Variants in SORCS2 observed in about 807,000 individuals in gnomAD.
SORCS2 encodes VPS10 domain-containing receptor SorCS2.
SORCS2 carries 100 observed loss-of-function variants against 141.6 expected under a neutral mutation model. The ratio of observed to expected loss-of-function variants is 0.71; its 90% CI spans 0.60 to 0.83. The LOEUF (loss-of-function observed/expected upper bound fraction) is 0.83. SORCS2 is among the 40% of genes least tolerant of loss of function. The probability of loss-of-function intolerance (pLI) is 0.00; values close to 1 mark genes in which losing one functional copy is unlikely to be tolerated. For missense variants in SORCS2, 1,646 were observed against 1,560.2 expected, an observed-to-expected ratio of 1.05 and a Z score of -0.93; for synonymous variants, 789 against 676.9, an observed-to-expected ratio of 1.17 and a Z score of -2.57.
At chr4:7,697,033 A>G (rs1724755269) in intron 11 of SORCS2, among the ~76,000 whole-genome samples, 165 bp from the exon 12 acceptor site, 1 of 152,106 alleles carries the variant, frequency 6.6e-6, no homozygotes, top group Non-Finnish European at 1.5e-5. Context: ...CACTGCATAG[A>G]CCCAGACCCA....
At chr4:7,636,518 C>T (rs1412589111) in intron 3 of SORCS2, among the ~76,000 whole-genome samples, 2 of 152,132 alleles carry the variant, frequency 1.3e-5, no homozygotes, top group Non-Finnish European at 2.9e-5. Flanking sequence ...GTTTTGTCTG[C>T]CGCCTTGTCT....
intron 2 of SORCS2, among the ~76,000 whole-genome samples, chr4:7,518,478 G>A (rs1033129726): frequency 3.9e-5 from 6 of 152,168 alleles, no homozygotes; most frequent in African/African-American, 1.4e-4. Context: ...TGTGTGTCTC[G>A]TGGGGACTGC....
intron 25 of SORCS2, among the ~76,000 whole-genome samples, chr4:7,736,471 A>C (rs1214844533): frequency 6.6e-6 from 1 of 152,194 alleles, no homozygotes; most frequent in Non-Finnish European, 1.5e-5. Flanking sequence ...TCATCTGTGA[A>C]ATGGGACCCT....
At chr4:7,257,455 C>G (rs1713977570) in intron 1 of SORCS2, among the ~76,000 whole-genome samples, 1 of 152,100 alleles carries the variant, frequency 6.6e-6, no homozygotes, top group African/African-American at 2.4e-5. Flanking sequence ...GCAGGGAGAG[C>G]CTCTCCGCAT....
At chr4:7,705,847 C>G (rs1460712159) in intron 14 of SORCS2, among the ~76,000 whole-genome samples, 1 of 152,276 alleles carries the variant, frequency 6.6e-6, no homozygotes, top group Non-Finnish European at 1.5e-5. Context: ...ACCCCAGCCT[C>G]TATCTCCCTC....
intron 9 of SORCS2, among the ~76,000 whole-genome samples, chr4:7,676,729 C>CCT (rs1723142763): frequency 1.7e-5 from 2 of 118,810 alleles, no homozygotes; most frequent in Admixed American, 8.5e-5. Flanking sequence ...TCTCTCTCTC[C>CCT]CTCTCCCTCT....
chr4:7,561,284 G>A (rs1315434675), intron 3 of SORCS2, among the ~76,000 whole-genome samples: 1 of 151,998 alleles, frequency 6.6e-6, no homozygotes, highest in Non-Finnish European at 1.5e-5. Flanking sequence ...AGGTCTAGGT[G>A]GGACTCCAGG....
chr4:7,688,729 G>A (rs1335887387), intron 10 of SORCS2, among the ~76,000 whole-genome samples: 3 of 152,130 alleles, frequency 2.0e-5, no homozygotes, highest in Non-Finnish European at 4.4e-5. Context: ...TAGGAAGGCT[G>A]AGCCCAGAGT....
intron 16 of SORCS2, among the ~76,000 whole-genome samples, chr4:7,714,946 C>A (rs972696030): frequency 6.6e-6 from 1 of 152,192 alleles, no homozygotes; most frequent in Admixed American, 6.5e-5. Context: ...TTGCTCACCT[C>A]CTCCAGGCAG....
At chr4:7,196,255 G>A (rs1167916751) in intron 1 of SORCS2, among the ~76,000 whole-genome samples, 1 of 152,152 alleles carries the variant, frequency 6.6e-6, no homozygotes, top group Non-Finnish European at 1.5e-5. Context: ...TCTAGAGTGG[G>A]CTGTGCACAC....
intron 3 of SORCS2, 31 bp from the exon 4 acceptor site, chr4:7,638,297 C>T: frequency 2.7e-6 from 4 of 1,495,278 alleles, no homozygotes; most frequent in African/African-American, 1.5e-5. Flanking sequence ...GGGCACCTGG[C>T]CCAGGCCTCA....
At chr4:7,409,164 T>C (rs1725152273) in intron 2 of SORCS2, among the ~76,000 whole-genome samples, 1 of 152,212 alleles carries the variant, frequency 6.6e-6, no homozygotes, top group Admixed American at 6.5e-5. Flanking sequence ...CATTAAAGGA[T>C]TCATTATTTA....
intron 2 of SORCS2, among the ~76,000 whole-genome samples, chr4:7,500,461 A>G (rs1731895237): frequency 6.6e-6 from 1 of 151,686 alleles, no homozygotes; most frequent in African/African-American, 2.4e-5. Flanking sequence ...GGTGCTACCC[A>G]CACTGAAGGC....
intron 1 of SORCS2, among the ~76,000 whole-genome samples, chr4:7,249,819 G>A (rs564835952): frequency 3.0e-4 from 46 of 152,262 alleles, no homozygotes; most frequent in Admixed American, 1.3e-3. Context: ...GCCAGGACCC[G>A]CAGGTTTCCT....
chr4:7,246,443 CCACACATCTCACCT>C (rs1560137607), intron 1 of SORCS2, among the ~76,000 whole-genome samples: 122 of 151,964 alleles, frequency 8.0e-4, no homozygotes, highest in African/African-American at 2.4e-3. Context: ...TTAAATGAAC[CCACACATCTCACCT>C]GGGGCTTAAA....
rs374015638 is a variant in SORCS2, at chr4:7,226,434, C to T, written c.480+33308C>T. ...ACTGCAGTGTGTGCCCCATAGCTCA[C>T]GGTCAGTGCCGTTCCGTTTGCTCGA... On this transcript the variant is annotated intron_variant, in intron 1 of 26. Coordinates refer to ENST00000507866, the MANE Select transcript of SORCS2 (RefSeq NM_020777.3). 5.9e-5 allele frequency among the ~76,000 whole-genome samples: 9 copies of T among 152,088 alleles called. No individual in the cohort carries two copies. In the East Asian group the frequency reaches 1.2e-3, roughly 20 times the overall value.
At chr4:7,688,737 A>C (rs1414271920) in intron 10 of SORCS2, among the ~76,000 whole-genome samples, 1 of 152,164 alleles carries the variant, frequency 6.6e-6, no homozygotes, top group Non-Finnish European at 1.5e-5. Flanking sequence ...CTGAGCCCAG[A>C]GTCATTACCC....
At chr4:7,199,164 C>T (rs574222415) in intron 1 of SORCS2, among the ~76,000 whole-genome samples, 16 of 152,244 alleles carry the variant, frequency 1.1e-4, no homozygotes, top group African/African-American at 3.1e-4. Context: ...CATCGTGTTT[C>T]GGGTGTCAGC....
intron 2 of SORCS2, among the ~76,000 whole-genome samples, chr4:7,450,741 A>G (rs1453914231): frequency 6.6e-6 from 1 of 152,072 alleles, no homozygotes; most frequent in African/African-American, 2.4e-5. Flanking sequence ...GAGTGACTGA[A>G]TGAATGAGTG....
Sources: gnomAD v4.1 joint callset for allele counts (sites outside exome capture counted in the v4.1 genomes callset) on GRCh38, gnomAD v4.1.1 for gene constraint, MANE v1.5 for transcripts, NCBI Gene and HGNC (gene_info 2026-07-23, HGNC 2026-07-21) for gene names.